Variants in IQCH observed in about 807,000 individuals in gnomAD.
IQCH encodes the protein IQ motif containing H, also known as IQ domain-containing protein H.
In IQCH, 98 loss-of-function variants were observed where a neutral mutation model predicts 117.0. The ratio of observed to expected loss-of-function variants is 0.84; its 90% CI spans 0.71 to 0.99. IQCH has a LOEUF of 0.99. Ranked by LOEUF, IQCH falls within the 50% of genes least tolerant of loss-of-function variation. The probability of loss-of-function intolerance (pLI) is 0.00; values close to 1 mark genes in which losing one functional copy is unlikely to be tolerated. For synonymous variants in IQCH, 412 were observed against 448.2 expected, an observed-to-expected ratio of 0.92 and a Z score of 1.02; for missense variants, 1,102 against 1,243.8, an observed-to-expected ratio of 0.89 and a Z score of 1.72.
Position 67,342,850 on chromosome 15 carries a change from A to G in IQCH, c.509-1213A>G, listed in dbSNP as rs571844833. On this transcript the variant is annotated intron_variant, in intron 5 of 20. Transcript: ENST00000335894. The surrounding 1 kb of genome is among the most constrained non-coding windows in gnomAD (Gnocchi z 4.7). The stretch of plus-strand genomic sequence containing the variant: ...TAGTGGTTCTCTAACTTCAGCGCAC[A>G]TGAATATCTCCTGGAGCCTTCAATA... Among the ~76,000 whole-genome samples, 1 of 152,264 alleles carries G rather than the reference A, an allele frequency of 6.6e-6. No homozygotes were observed. The highest frequency in any genetic ancestry group is 6.5e-5 in the Admixed American group (1 of 15,292).
chr15:67,279,346 G>A (rs1366300165), intron 3 of IQCH, 49 bp from the exon 4 acceptor site: 2 of 978,624 alleles, frequency 2.0e-6, no homozygotes, highest in Non-Finnish European at 3.2e-6. Flanking sequence ...AATTTGAAAA[G>A]CTTTTAAAAT....
rs1225245575 is a variant in IQCH at position 67,413,945 on chromosome 15, G to A, written c.2098-2986G>A. 1.3e-5 allele frequency among the ~76,000 whole-genome samples: 2 copies of A among 152,198 alleles called. No homozygotes were observed. Among genetic ancestry groups the A allele is most frequent in the Non-Finnish European group, 2.9e-5 (2 of 68,036 alleles). On this transcript the variant is annotated intron_variant, in intron 14 of 20. Transcript: ENST00000335894. This position sits in a 1 kb window ranked among gnomAD's most constrained non-coding sequence, Gnocchi z 5.0. The stretch of plus-strand genomic sequence containing the variant: ...GATCAGAGGCGGTGGCAGAAGCCTG[G>A]CACAGTGTCCAGATGCCACACACAA...
At chr15:67,469,139 C>G (rs1463339492) in intron 17 of IQCH, among the ~76,000 whole-genome samples, 1 of 146,708 alleles carries the variant, frequency 6.8e-6, no homozygotes, top group Admixed American at 6.8e-5. Context: ...TTTTTTTTCT[C>G]CTGTTTTACT....
intron 6 of IQCH, among the ~76,000 whole-genome samples, chr15:67,354,281 C>A (rs1313261394): frequency 6.6e-6 from 1 of 151,844 alleles, no homozygotes; most frequent in Non-Finnish European, 1.5e-5. Context: ...AAGGAAAGTT[C>A]AACATCAGAA....
chr15:67,297,604 TAAC>T (rs556525872), intron 4 of IQCH, among the ~76,000 whole-genome samples: 83 of 152,256 alleles, frequency 5.5e-4, no homozygotes, highest in African/African-American at 1.9e-3. Context: ...GCCGAAAACT[TAAC>T]AACAATTCAC....
intron 16 of IQCH, among the ~76,000 whole-genome samples, chr15:67,448,573 C>A: frequency 6.6e-6 from 1 of 151,992 alleles, no homozygotes; most frequent in Non-Finnish European, 1.5e-5. Flanking sequence ...TTTATGGCTG[C>A]ATAGTATTCC....
In IQCH at chr15:67,473,152, G is replaced by T. The variant is rs920143363; in HGVS notation, c.2677-2544G>T. 1.3e-5 allele frequency among the ~76,000 whole-genome samples: 2 copies of T among 152,158 alleles called. No homozygotes were observed. Among genetic ancestry groups the T allele is most frequent in the African/African-American group, 2.4e-5 (1 of 41,422 alleles). On this transcript the variant is annotated intron_variant, in intron 17 of 20. Transcript: ENST00000335894. The surrounding 1 kb of genome is among the most constrained non-coding windows in gnomAD (Gnocchi z 4.9). ...AAAAATAACCTTGGAATTATCTTGTGAATTCATGGCAATTACCATGCAATT... is the reference window on the plus strand; with the variant it reads ...AAAAATAACCTTGGAATTATCTTGTTAATTCATGGCAATTACCATGCAATT...
intron 3 of IQCH, among the ~76,000 whole-genome samples, chr15:67,278,565 C>G (rs980911126): frequency 1.4e-4 from 22 of 152,210 alleles, no homozygotes; most frequent in Admixed American, 9.2e-4. Context: ...ACCCTGTGAT[C>G]TCAATTCTCT....
Position 67,319,024 on chromosome 15 carries a change from G to A in IQCH, c.388-17951G>A, listed in dbSNP as rs559743663. Among the ~76,000 whole-genome samples the A allele has an allele frequency of 2.6e-3, 403 of 152,250 alleles. 1 individual carries two copies. Among genetic ancestry groups the A allele is most frequent in the Non-Finnish European group, 4.5e-3 (308 of 68,010 alleles). The stretch of plus-strand genomic sequence containing the variant: ...GGCAGTATCACGAGGTCAGGAGCTC[G>A]AGACCATCCTGGCGAACATGGTGAA... On this transcript the variant is annotated intron_variant, in intron 4 of 20. Transcript: ENST00000335894.
Position 67,451,434 on chromosome 15 carries a change from C to T in IQCH, c.2506-13693C>T, listed in dbSNP as rs577201331. ...TTCTGGTATGTTGTGTCTTTGTTCT[C>T]GTTGGTTTCAAAGAACATCTTTATT... On this transcript the variant is annotated intron_variant, in intron 16 of 20. Transcript: ENST00000335894. 6.0e-3 allele frequency among the ~76,000 whole-genome samples: 912 copies of T among 151,652 alleles called. 4 individuals carry two copies. Among genetic ancestry groups the T allele is most frequent in the Middle Eastern group, 0.01 (3 of 294 alleles).
At chr15:67,483,516 C>G (rs2083393430) in intron 18 of IQCH, among the ~76,000 whole-genome samples, 1 of 152,102 alleles carries the variant, frequency 6.6e-6, no homozygotes, top group Non-Finnish European at 1.5e-5. Context: ...GACTCCATCT[C>G]TAAAAAAATT....
Position 67,430,995 on chromosome 15 carries a change from C to T in IQCH, c.2505+9418C>T, listed in dbSNP as rs1284214668. 6.6e-6 allele frequency among the ~76,000 whole-genome samples: 1 copy of T among 152,034 alleles called. No individual in the cohort carries two copies. The highest frequency in any genetic ancestry group is 1.5e-5 in the Non-Finnish European group (1 of 68,010). On this transcript the variant is annotated intron_variant, in intron 16 of 20. Transcript: ENST00000335894. This position sits in a 1 kb window ranked among gnomAD's most constrained non-coding sequence, Gnocchi z 5.1. ...AGAGAAAGATCCCTTCTGTTGGGAG[C>T]AATCAAGAAAGGTTTTGCAGAGAAG...
At chr15:67,257,691 A>G (rs1461638189) in intron 1 of IQCH, among the ~76,000 whole-genome samples, 1 of 152,214 alleles carries the variant, frequency 6.6e-6, no homozygotes, top group Non-Finnish European at 1.5e-5. Context: ...AAAATGTGGT[A>G]TATTCTTAAT....
chr15:67,484,019 C>T (rs887493496), intron 18 of IQCH, among the ~76,000 whole-genome samples: 2 of 152,164 alleles, frequency 1.3e-5, no homozygotes, highest in Non-Finnish European at 2.9e-5. Context: ...GGACCAAACT[C>T]TAGGAGTAAG....
intron 4 of IQCH, among the ~76,000 whole-genome samples, chr15:67,329,965 AG>A (rs1804633440): frequency 6.6e-6 from 1 of 152,166 alleles, no homozygotes; most frequent in Non-Finnish European, 1.5e-5. Flanking sequence ...TAACAGTTTG[AG>A]CATAGAAGTT....
rs974770264 is a variant in IQCH at position 67,393,179 on chromosome 15, A to G, written c.1633-2112A>G. On this transcript the variant is annotated intron_variant, in intron 12 of 20. Transcript: ENST00000335894. The surrounding 1 kb of genome is among the most constrained non-coding windows in gnomAD (Gnocchi z 5.5). Reference sequence around the variant, plus strand: ...AAGGACCCTAGAGACTTCTAATCCAACCCCTCATTTGAATATGAGAAATTG... The same window carrying G: ...AAGGACCCTAGAGACTTCTAATCCAGCCCCTCATTTGAATATGAGAAATTG... 6.6e-6 allele frequency among the ~76,000 whole-genome samples: 1 copy of G among 152,180 alleles called. No homozygotes were observed. The highest frequency in any genetic ancestry group is 2.4e-5 in the African/African-American group (1 of 41,426).
intron 4 of IQCH, among the ~76,000 whole-genome samples, chr15:67,290,971 T>C (rs950772736): frequency 6.6e-6 from 1 of 152,136 alleles, no homozygotes; most frequent in African/African-American, 2.4e-5. Flanking sequence ...CTAAACTTTC[T>C]ATAGTCCATA....
chr15:67,440,109 G>C (rs2082232761), intron 16 of IQCH, among the ~76,000 whole-genome samples: 1 of 151,940 alleles, frequency 6.6e-6, no homozygotes, highest in South Asian at 2.1e-4. Context: ...ACATAAACTA[G>C]AAAACCTAGA....
rs1183752801 is a variant in IQCH at position 67,494,937 on chromosome 15, A to C, written c.2970+571A>C. On this transcript the variant is annotated intron_variant, in intron 20 of 20. Coordinates refer to ENST00000335894, the MANE Select transcript of IQCH (RefSeq NM_001031715.3). This position sits in a 1 kb window ranked among gnomAD's most constrained non-coding sequence, Gnocchi z 5.5. ...ACCTTTAAAGATGTTGGTCTATCAA[A>C]TCCAGTTGTGTATAATTGACTAGAA... is the stretch of plus-strand genomic sequence containing the variant. 6.6e-6 allele frequency among the ~76,000 whole-genome samples: 1 copy of C among 152,210 alleles called. No homozygotes were observed. The highest frequency in any genetic ancestry group is 2.4e-5 in the African/African-American group (1 of 41,446).
Sources: allele counts gnomAD v4.1 joint callset (sites outside exome capture counted in the v4.1 genomes callset), GRCh38; gene constraint gnomAD v4.1.1; non-coding constraint Gnocchi (gnomAD v3.1); transcripts MANE v1.5; gene names NCBI Gene and HGNC (gene_info 2026-07-23, HGNC 2026-07-21).